The following CTNNA3 variants were observed in gnomAD, a reference collection of about 807,000 sequenced individuals.
CTNNA3 encodes the protein catenin alpha 3.
In CTNNA3, 76 loss-of-function variants were observed where a neutral mutation model predicts 95.7. That is an observed-to-expected ratio of 0.79 (90% CI 0.66 to 0.96). CTNNA3 has a LOEUF of 0.96. Ranked by LOEUF, CTNNA3 falls within the 40% of genes least tolerant of loss-of-function variation. The pLI is 0.00. For missense variants in CTNNA3, 1,191 were observed against 1,089.8 expected (o/e 1.09, Z -1.31); for synonymous variants, 431 against 374.4 (o/e 1.15, Z -1.74).
intron 7 of CTNNA3, among the ~76,000 whole-genome samples, chr10:66,931,148 G>A (rs146323522): frequency 1.6e-4 from 22 of 134,924 alleles, no homozygotes; most frequent in Non-Finnish European, 2.8e-4. Context: ...TTTCTAGTAC[G>A]TATTTACATA....
At chr10:65,926,476 A>ATTT (rs200139185) in intron 17 of CTNNA3, among the ~76,000 whole-genome samples, 3 of 139,740 alleles carry the variant, frequency 2.1e-5, no homozygotes, top group Admixed American at 7.2e-5. Context: ...GAGTGTTCCA[A>ATTT]TTTTTTTTTT....
intron 11 of CTNNA3, among the ~76,000 whole-genome samples, chr10:66,449,037 T>C (rs1010744212): frequency 6.6e-6 from 1 of 151,924 alleles, no homozygotes; most frequent in Non-Finnish European, 1.5e-5. Context: ...GAAATTTTAG[T>C]CATTAGAAAG....
At chr10:66,360,048 C>T (rs1379410786) in intron 12 of CTNNA3, among the ~76,000 whole-genome samples, 1 of 151,900 alleles carries the variant, frequency 6.6e-6, no homozygotes, top group Non-Finnish European at 1.5e-5. Flanking sequence ...GGGCTGGTCT[C>T]GAACTCCTGA....
intron 12 of CTNNA3, among the ~76,000 whole-genome samples, chr10:66,306,325 T>G (rs1032146721): frequency 4.6e-5 from 7 of 152,192 alleles, no homozygotes; most frequent in Admixed American, 1.3e-4. Flanking sequence ...AGGTATTCAA[T>G]AAGGTCCTTC....
At chr10:67,726,466 A>C (rs1343575890) in intron 1 of CTNNA3, among the ~76,000 whole-genome samples, 1 of 43,636 alleles carries the variant, frequency 2.3e-5, no homozygotes, top group Non-Finnish European at 3.9e-5. Flanking sequence ...ATGATATATG[A>C]TATAATATTA....
chr10:67,609,411 G>A (rs115917191), intron 2 of CTNNA3, among the ~76,000 whole-genome samples: 1 of 151,930 alleles, frequency 6.6e-6, no homozygotes, highest in African/African-American at 2.4e-5. Flanking sequence ...TTCGATGTTT[G>A]TTTACTTGGA....
intron 12 of CTNNA3, among the ~76,000 whole-genome samples, chr10:66,356,000 C>T (rs1232014135): frequency 6.7e-6 from 1 of 150,210 alleles, no homozygotes; most frequent in Non-Finnish European, 1.5e-5. Context: ...CTGAACTTTC[C>T]AAATGACCTC....
intron 5 of CTNNA3, among the ~76,000 whole-genome samples, chr10:67,265,489 G>C (rs1463559763): frequency 3.3e-5 from 5 of 151,990 alleles, no homozygotes. Flanking sequence ...CTTTAAAAGG[G>C]GAATAAAGAT....
intron 7 of CTNNA3, among the ~76,000 whole-genome samples, chr10:67,126,041 T>C (rs1859706264): frequency 6.6e-6 from 1 of 152,180 alleles, no homozygotes; most frequent in Non-Finnish European, 1.5e-5. Context: ...GGATCAATCA[T>C]ATCATGAAAT....
At chr10:66,427,074 C>G (rs975031595) in intron 11 of CTNNA3, among the ~76,000 whole-genome samples, 103 of 151,828 alleles carry the variant, frequency 6.8e-4, no homozygotes, top group African/African-American at 2.4e-3. Context: ...TCAATATATA[C>G]TTTTGTTGAT....
intron 10 of CTNNA3, among the ~76,000 whole-genome samples, chr10:66,555,512 T>C (rs1326071176): frequency 6.6e-6 from 1 of 152,130 alleles, no homozygotes. Flanking sequence ...GCATTCCGTA[T>C]TTTATCTGGT....
chr10:66,420,039 G>A (rs180721443), intron 11 of CTNNA3, among the ~76,000 whole-genome samples: 2 of 152,118 alleles, frequency 1.3e-5, no homozygotes, highest in Non-Finnish European at 2.9e-5. Context: ...AGACAAATGA[G>A]ACTATATTAA....
intron 12 of CTNNA3, among the ~76,000 whole-genome samples, chr10:66,327,719 T>C (rs981772285): frequency 3.3e-5 from 5 of 152,042 alleles, no homozygotes; most frequent in African/African-American, 1.2e-4. Context: ...ATTGTGTATA[T>C]TGATATTTAG....
chr10:66,106,178 G>A lies in CTNNA3; in HGVS notation c.1885-2929C>T, dbSNP rs567545305. Among the ~76,000 whole-genome samples, 6 of 150,386 alleles carry A rather than the reference G, an allele frequency of 4.0e-5. No individual in the cohort carries two copies. In the South Asian group the frequency reaches 1.3e-3, roughly 32 times the overall value. Reference sequence around the variant, plus strand: ...GCCGAGATCGCGCCATTGCACTCCAGCCTGGGCAACAAGAGTGAAACTCCA... The same window carrying A: ...GCCGAGATCGCGCCATTGCACTCCAACCTGGGCAACAAGAGTGAAACTCCA... On this transcript the variant is annotated intron_variant, in intron 13 of 17. Coordinates refer to ENST00000433211, the MANE Select transcript of CTNNA3 (RefSeq NM_013266.4).
chr10:66,327,941 C>T (rs150302372), intron 12 of CTNNA3, among the ~76,000 whole-genome samples: 2 of 152,110 alleles, frequency 1.3e-5, no homozygotes, highest in African/African-American at 4.8e-5. Context: ...ATACCAGTTA[C>T]TTACTCAGGA....
At position 67,509,537 on chromosome 10, in the gene CTNNA3, C is replaced by A. The variant is rs534767147; in HGVS notation, c.579+12305G>T. On this transcript the variant is annotated intron_variant, in intron 5 of 17. Transcript: ENST00000433211. Reference sequence around the variant, plus strand: ...GACATGAACTCATCCTTTTTTATGGCTGTATAGTATTCCATGGTGTATATA... The same window carrying A: ...GACATGAACTCATCCTTTTTTATGGATGTATAGTATTCCATGGTGTATATA... Among the ~76,000 whole-genome samples, 4 of 152,290 alleles carry A rather than the reference C, an allele frequency of 2.6e-5. No homozygotes were observed. In the East Asian group the frequency reaches 7.7e-4, roughly 29 times the overall value.
intron 7 of CTNNA3, among the ~76,000 whole-genome samples, chr10:67,161,488 T>C (rs1333523508): frequency 6.6e-6 from 1 of 151,854 alleles, no homozygotes; most frequent in Non-Finnish European, 1.5e-5. Context: ...TATGTGTATA[T>C]AATGCCATAC....
intron 5 of CTNNA3, among the ~76,000 whole-genome samples, chr10:67,494,373 C>T (rs1445472055): frequency 1.3e-5 from 2 of 152,144 alleles, no homozygotes; most frequent in African/African-American, 4.8e-5. Context: ...AGTAATATCT[C>T]ATTATTTCTT....
chr10:67,140,808 T>C (rs1187027877), intron 7 of CTNNA3, among the ~76,000 whole-genome samples: 1 of 152,208 alleles, frequency 6.6e-6, no homozygotes, highest in African/African-American at 2.4e-5. Context: ...TGTTATTCCT[T>C]TTCCTGGTGA....
Sources: allele counts gnomAD v4.1 joint callset (sites outside exome capture counted in the v4.1 genomes callset), GRCh38; gene constraint gnomAD v4.1.1; transcripts MANE v1.5; gene names NCBI Gene and HGNC (gene_info 2026-07-23, HGNC 2026-07-21).